Variants in RUNX1 observed in about 807,000 individuals in gnomAD.
The protein encoded by RUNX1 is runt-related transcription factor 1.
Under a neutral mutation model 42.8 loss-of-function variants are expected in RUNX1, and 19 were observed. The ratio of observed to expected loss-of-function variants is 0.44; its 90% CI spans 0.31 to 0.65. The LOEUF (loss-of-function observed/expected upper bound fraction) is 0.65. RUNX1 is among the 30% of genes least tolerant of loss of function. The pLI is 0.07. For synonymous variants in RUNX1, 271 were observed against 289.4 expected, an observed-to-expected ratio of 0.94 and a Z score of 0.64; for missense variants, 528 against 672.0, an observed-to-expected ratio of 0.79 and a Z score of 2.37.
At chr21:34,887,899 C>A in intron 3 of RUNX1, 2 of 1,065,252 alleles carry the variant, frequency 1.9e-6, no homozygotes, top group Non-Finnish European at 2.3e-6. Flanking sequence ...TCAAAACGCT[C>A]AGTGCAGAAA....
intron 2 of RUNX1, among the ~76,000 whole-genome samples, chr21:35,043,273 C>T (rs2059372987): frequency 2.0e-5 from 3 of 152,186 alleles, no homozygotes; most frequent in Admixed American, 6.5e-5. Flanking sequence ...AGACATACCT[C>T]TTTGCCTTGG....
intron 2 of RUNX1, among the ~76,000 whole-genome samples, chr21:35,007,479 C>A (rs2059093887): frequency 6.6e-6 from 1 of 152,198 alleles, no homozygotes; most frequent in Non-Finnish European, 1.5e-5. Flanking sequence ...TCTAGGTGAC[C>A]CGCCGTCCTT....
At chr21:35,031,419 T>C (rs1296819149) in intron 2 of RUNX1, among the ~76,000 whole-genome samples, 2 of 152,146 alleles carry the variant, frequency 1.3e-5, no homozygotes, top group African/African-American at 4.8e-5. Context: ...TTGCACACTC[T>C]TGGTGGGAAG....
chr21:34,890,545 CG>C (rs2058069332), intron 3 of RUNX1, among the ~76,000 whole-genome samples: 1 of 152,064 alleles, frequency 6.6e-6, no homozygotes, highest in Non-Finnish European at 1.5e-5. Flanking sequence ...TTCAGGAGCC[CG>C]GGCTTCCGGG....
At chr21:34,998,611 G>C (rs747466224) in intron 2 of RUNX1, among the ~76,000 whole-genome samples, 1 of 151,532 alleles carries the variant, frequency 6.6e-6, no homozygotes, top group African/African-American at 2.4e-5. Flanking sequence ...GCCCAGTCTC[G>C]GCTCACTGCA....
At chr21:34,798,998 G>GAA (rs2056569935) in intron 8 of RUNX1, among the ~76,000 whole-genome samples, 2 of 152,170 alleles carry the variant, frequency 1.3e-5, no homozygotes. Context: ...CCTAAAAGTT[G>GAA]AAAACTTTGG....
chr21:34,823,183 C>T (rs1243034181), intron 7 of RUNX1, among the ~76,000 whole-genome samples: 3 of 152,230 alleles, frequency 2.0e-5, no homozygotes, highest in Admixed American at 6.5e-5. Flanking sequence ...GCTGACTCAG[C>T]GAGGGCCTTG....
chr21:34,948,647 G>A (rs762870368), intron 2 of RUNX1, among the ~76,000 whole-genome samples: 17 of 152,220 alleles, frequency 1.1e-4, no homozygotes, highest in Admixed American at 5.2e-4. Context: ...TGATTGACAA[G>A]GATGGGGCTA....
At chr21:34,930,466 G>A (rs745944447) in intron 2 of RUNX1, among the ~76,000 whole-genome samples, 21 of 151,644 alleles carry the variant, frequency 1.4e-4, no homozygotes, top group Non-Finnish European at 3.1e-4. Context: ...GACCACAACT[G>A]AGCACAGCAA....
intron 7 of RUNX1, among the ~76,000 whole-genome samples, chr21:34,832,418 G>C (rs2057076461): frequency 1.3e-5 from 2 of 152,146 alleles, no homozygotes; most frequent in Admixed American, 1.3e-4. Context: ...CCATGTGGCT[G>C]AATTTTCCAT....
intron 3 of RUNX1, chr21:34,888,824 G>A: frequency 2.7e-6 from 1 of 364,130 alleles, no homozygotes; most frequent in Non-Finnish European, 3.9e-6. Flanking sequence ...GGCGCGGCTC[G>A]CCGCCGCCGG....
chr21:34,854,427 A>T (rs886627584), intron 6 of RUNX1, among the ~76,000 whole-genome samples: 1 of 151,990 alleles, frequency 6.6e-6, no homozygotes, highest in African/African-American at 2.4e-5. Flanking sequence ...TATGAAAAAA[A>T]TTAAAAAATT....
chr21:34,941,394 T>C (rs946768614), intron 2 of RUNX1, among the ~76,000 whole-genome samples: 7 of 152,240 alleles, frequency 4.6e-5, no homozygotes, highest in Non-Finnish European at 1.0e-4. Flanking sequence ...TTTGTAAGAA[T>C]AGCTCTCTGT....
intron 2 of RUNX1, among the ~76,000 whole-genome samples, chr21:34,913,873 TAAAAGGAA>T (rs1163152718): frequency 6.6e-6 from 1 of 152,200 alleles, no homozygotes; most frequent in African/African-American, 2.4e-5. Flanking sequence ...TATGCCTCTA[TAAAAGGAA>T]AGGCTTTTTA....
chr21:35,013,626 TG>T (rs2059140536), intron 2 of RUNX1, among the ~76,000 whole-genome samples: 1 of 152,156 alleles, frequency 6.6e-6, no homozygotes, highest in South Asian at 2.1e-4. Context: ...TCATGCACTG[TG>T]GGGTGGAATA....
At chr21:35,038,495 G>A in intron 2 of RUNX1, 1 of 456,128 alleles carries the variant, frequency 2.2e-6, no homozygotes, top group Non-Finnish European at 4.4e-6. Context: ...TACACCTAGA[G>A]AAAGCTTCCT....
At chr21:34,841,048 T>G (rs996118766) in intron 6 of RUNX1, among the ~76,000 whole-genome samples, 34 of 152,332 alleles carry the variant, frequency 2.2e-4, no homozygotes, top group Non-Finnish European at 4.0e-4. Flanking sequence ...AAAGCCACTC[T>G]GCGGAACACT....
chr21:34,909,585 C>G (rs992307817), intron 2 of RUNX1, among the ~76,000 whole-genome samples: 1 of 90,388 alleles, frequency 1.1e-5, no homozygotes, highest in African/African-American at 1.2e-4. Flanking sequence ...GGTCACTGTT[C>G]CTCAAAAAAA....
At chr21:34,797,389 A>AAGTCACC (rs1247799230) in intron 8 of RUNX1, among the ~76,000 whole-genome samples, 85 of 152,308 alleles carry the variant, frequency 5.6e-4, no homozygotes, top group East Asian at 5.8e-4. Flanking sequence ...TTTATTTAAA[A>AAGTCACC]AGTCACCCTA....
Sources: gnomAD v4.1 joint callset for allele counts (sites outside exome capture counted in the v4.1 genomes callset) on GRCh38, gnomAD v4.1.1 for gene constraint, MANE v1.5 for transcripts, NCBI Gene and HGNC (gene_info 2026-07-23, HGNC 2026-07-21) for gene names.